BDKRB2: variants seen among roughly 807,000 people sequenced by gnomAD.
BDKRB2 encodes B2 bradykinin receptor.
A neutral mutation model predicts 4.0 loss-of-function variants in BDKRB2; 6 were observed. The ratio of observed to expected loss-of-function variants is 1.49; its 90% confidence interval spans 0.81 to 2.93. The LOEUF is 2.93. Among genes scored for constraint, BDKRB2 ranks in the 30% most tolerant of loss-of-function variants. BDKRB2 has a pLI of 0.00. For synonymous variants in BDKRB2, 225 were observed against 215.3 expected (o/e 1.05, Z -0.40); for missense variants, 478 against 520.1 (o/e 0.92, Z 0.79).
chr14:96,227,791 G>A (rs910131565), intron 1 of BDKRB2, among the ~76,000 whole-genome samples: 1 of 152,232 alleles, frequency 6.6e-6, no homozygotes, highest in African/African-American at 2.4e-5. Flanking sequence ...AATCAAAGGT[G>A]ACTAGCAAGA....
At chr14:96,224,187 A>T (rs1463807936) in intron 1 of BDKRB2, among the ~76,000 whole-genome samples, 1 of 152,214 alleles carries the variant, frequency 6.6e-6, no homozygotes, top group Non-Finnish European at 1.5e-5. Flanking sequence ...ATTGGCTGCG[A>T]GTTGGTAATT....
At chr14:96,215,523 C>T in intron 1 of BDKRB2, among the ~76,000 whole-genome samples, 1 of 151,632 alleles carries the variant, frequency 6.6e-6, no homozygotes, top group Non-Finnish European at 1.5e-5. Flanking sequence ...ACTGAATTAT[C>T]CAAATATTAA....
At chr14:96,236,772 G>A (rs1008196633) in intron 1 of BDKRB2, among the ~76,000 whole-genome samples, 3 of 152,122 alleles carry the variant, frequency 2.0e-5, no homozygotes, top group Non-Finnish European at 4.4e-5. Flanking sequence ...TAATCCACTC[G>A]CCCTCACAGG....
intron 1 of BDKRB2, among the ~76,000 whole-genome samples, chr14:96,227,552 CACACAAACACACACATGTGT>C (rs1487843169): frequency 1.1e-4 from 17 of 152,140 alleles, no homozygotes; most frequent in African/African-American, 3.6e-4. Flanking sequence ...CACACGTGCA[CACACAAACACACACATGTGT>C]GCACAAACAC....
intron 2 of BDKRB2, chr14:96,239,402 A>G (rs1885206863): frequency 1.0e-6 from 1 of 985,298 alleles, no homozygotes; most frequent in Non-Finnish European, 1.2e-6. Flanking sequence ...ATGGCTGTCC[A>G]AGCCCCACGC....
intron 2 of BDKRB2, chr14:96,240,113 C>T: frequency 8.8e-7 from 1 of 1,142,704 alleles, no homozygotes; most frequent in Non-Finnish European, 1.1e-6. Flanking sequence ...AAGGGTCCAA[C>T]ACTTGAGATT....
chr14:96,240,275 G>T (rs1326510850), intron 2 of BDKRB2, 128 bp from the exon 3 acceptor site: 3 of 1,340,706 alleles, frequency 2.2e-6, no homozygotes, highest in Non-Finnish European at 2.9e-6. Context: ...GCAGAAAACA[G>T]CCTGAGCTCC....
At position 96,240,489 on chromosome 14, in the gene BDKRB2, GC is replaced by G; in HGVS notation, c.162del (p.Trp55GlyfsTer19). 1 of 1,538,350 alleles carries G rather than the reference GC, an allele frequency of 6.5e-7. No individual in the cohort carries two copies. The highest frequency in any genetic ancestry group is 1.3e-5 in the South Asian group (1 of 77,818). ...QSKCPQVEWL[G>X]WLNTIQPPFL... ...AAATGCCCCCAAGTGGAGTGGCTGG[GC>G]TGGCTCAACACCATCCAGCCCCCCT... is the stretch of plus-strand genomic sequence containing the variant. On this transcript the variant is annotated frameshift_variant, in exon 3 of 3. Coordinates refer to ENST00000554311, the MANE Select transcript of BDKRB2 (RefSeq NM_001379692.1). LOFTEE classifies it low-confidence loss of function (END_TRUNC).
At chr14:96,233,061 C>G (rs1566694089) in intron 1 of BDKRB2, among the ~76,000 whole-genome samples, 1 of 152,014 alleles carries the variant, frequency 6.6e-6, no homozygotes, top group Non-Finnish European at 1.5e-5. Flanking sequence ...GAGTCTCGCT[C>G]TATAGCCCAG....
In BDKRB2 at chr14:96,237,135, T is replaced by A; in HGVS notation, c.28T>A (p.Phe10Ile). Reference sequence around the variant, plus strand: ...GTTCTCTCCCTGGAAGATATCAATGTTTCTGTCTGTTCGTGAGGACTCCGT... The same window carrying A: ...GTTCTCTCCCTGGAAGATATCAATGATTCTGTCTGTTCGTGAGGACTCCGT... MFSPWKISM[F>I]LSVREDSVPT... The change falls in exon 2 of 3, where the codon TTT becomes ATT. Residue 10 changes from phenylalanine to isoleucine, a missense_variant. By Grantham distance (21) the Phe-to-Ile change is conservative. Transcript: ENST00000554311. 6.2e-7 allele frequency: 1 copy of A among 1,614,142 alleles called. No individual in the cohort carries two copies. The highest frequency in any genetic ancestry group is 8.5e-7 in the Non-Finnish European group (1 of 1,179,950).
intron 1 of BDKRB2, among the ~76,000 whole-genome samples, chr14:96,220,836 C>A (rs1281897087): frequency 6.6e-6 from 1 of 152,034 alleles, no homozygotes; most frequent in Non-Finnish European, 1.5e-5. Context: ...GAGAGGGATG[C>A]AACTGAGGCT....
chr14:96,231,392 T>G lies in BDKRB2; in HGVS notation c.-39-5677T>G, dbSNP rs560266408. ...CTTCCCCCTACAGACAGCTTTGGCC[T>G]TCTTTTCAGGGAAGAAAAGAAAAGG... On this transcript the variant is annotated intron_variant, in intron 1 of 2. Transcript: ENST00000554311. 2.0e-5 allele frequency among the ~76,000 whole-genome samples: 3 copies of G among 152,336 alleles called. No homozygotes were observed. In the East Asian group the frequency reaches 5.8e-4, roughly 29 times the overall value.
At chr14:96,205,149 G>C in intron 1 of BDKRB2, among the ~76,000 whole-genome samples, 190 bp downstream of exon 1, 1 of 152,170 alleles carries the variant, frequency 6.6e-6, no homozygotes, top group Non-Finnish European at 1.5e-5. Context: ...TTCCCAGCAG[G>C]AGGAATCGCC....
In BDKRB2 at chr14:96,241,557, C is replaced by A. The variant is rs1030859563; in HGVS notation, c.*53C>A. 6.7e-7 allele frequency: 1 copy of A among 1,495,522 alleles called. No homozygotes were observed. The highest frequency in any genetic ancestry group is 8.9e-7 in the Non-Finnish European group (1 of 1,129,752). 92.6% of individuals were successfully genotyped at this position (1,495,522 alleles called of 1,614,324 possible). On this transcript the variant is annotated 3_prime_UTR_variant, in exon 3 of 3. Transcript: ENST00000554311. Reference sequence around the variant, plus strand: ...TTGTGTAAGGATTGAGGGACAGTTGCTTTTCAGCATGGGCCCAGGAATGCC... The same window carrying A: ...TTGTGTAAGGATTGAGGGACAGTTGATTTTCAGCATGGGCCCAGGAATGCC...
chr14:96,229,858 G>A (rs1890777055), intron 1 of BDKRB2, among the ~76,000 whole-genome samples: 1 of 152,116 alleles, frequency 6.6e-6, no homozygotes, highest in African/African-American at 2.4e-5. Flanking sequence ...AAAAGGATTG[G>A]TGGCTCACGC....
chr14:96,206,025 T>C (rs376492395), intron 1 of BDKRB2, among the ~76,000 whole-genome samples: 1 of 149,082 alleles, frequency 6.7e-6, no homozygotes, highest in African/African-American at 2.5e-5. Context: ...ATTCCATTTC[T>C]GAGTTGGAGA....
intron 1 of BDKRB2, among the ~76,000 whole-genome samples, chr14:96,206,758 G>A (rs984106959): frequency 2.6e-5 from 4 of 152,074 alleles, no homozygotes; most frequent in South Asian, 4.2e-4. Flanking sequence ...TGGGCGCGGT[G>A]GGGGGAGCCC....
At chr14:96,239,134 A>G in intron 2 of BDKRB2, 12 of 985,474 alleles carry the variant, frequency 1.2e-5, no homozygotes, top group Non-Finnish European at 1.4e-5. Context: ...GACCTTCCAG[A>G]AAGAGCCCCT....
intron 1 of BDKRB2, among the ~76,000 whole-genome samples, chr14:96,212,084 G>A (rs1890316537): frequency 6.6e-6 from 1 of 152,238 alleles, no homozygotes; most frequent in East Asian, 1.9e-4. Context: ...GCAACAGGCA[G>A]GGACAGAATC....
Sources: gnomAD v4.1 joint callset for allele counts (sites outside exome capture counted in the v4.1 genomes callset) on GRCh38, gnomAD v4.1.1 for gene constraint, MANE v1.5 for transcripts, NCBI Gene and HGNC (gene_info 2026-07-23, HGNC 2026-07-21) for gene names.